Variants in CST8 observed in about 807,000 individuals in gnomAD.
CST8 encodes cystatin-8.
Under a neutral mutation model 11.8 loss-of-function variants are expected in CST8, and 20 were observed. The observed-to-expected ratio is 1.70, with a 90% CI of 1.20 to 2.47. The LOEUF (loss-of-function observed/expected upper bound fraction) is 2.47, where lower values mean the gene tolerates loss of function less well. CST8 is among the 30% of genes most tolerant of loss of function. The probability of loss-of-function intolerance (pLI) is 0.00; values close to 1 mark genes in which losing one functional copy is unlikely to be tolerated. For synonymous variants in CST8, 77 were observed against 63.1 expected, an observed-to-expected ratio of 1.22 and a Z score of -1.05; for missense variants, 196 against 167.2, an observed-to-expected ratio of 1.17 and a Z score of -0.95.
At chr20:23,496,142 T>G (rs1988041347), downstream of CST8, 1 of 516,680 alleles carries the variant, frequency 1.9e-6, no homozygotes, top group South Asian at 2.8e-5. Flanking sequence ...GGTCTACCCA[T>G]CACCAAGTAC....
intron 3 of CST8, among the ~76,000 whole-genome samples, chr20:23,495,499 T>C (rs1022260183): frequency 5.3e-5 from 8 of 152,210 alleles, no homozygotes; most frequent in Non-Finnish European, 1.2e-4. Context: ...CATACTTTAA[T>C]TAACAATTAG....
chr20:23,494,433 C>CA (rs1393352333), intron 3 of CST8, among the ~76,000 whole-genome samples: 1 of 152,264 alleles, frequency 6.6e-6, no homozygotes, highest in Non-Finnish European at 1.5e-5. Context: ...CAAGCAGATG[C>CA]ATTTGGTTTC....
chr20:23,493,615 G>C, intron 3 of CST8, among the ~76,000 whole-genome samples: 1 of 152,180 alleles, frequency 6.6e-6, no homozygotes, highest in Non-Finnish European at 1.5e-5. Context: ...GTCAGTCCAG[G>C]TTTCCAGGAA....
chr20:23,503,802 C>T, the CST8 span, among the ~76,000 whole-genome samples: 1 of 152,190 alleles, frequency 6.6e-6, no homozygotes, highest in African/African-American at 2.4e-5. Context: ...AGGTGAGAGG[C>T]GGCAGGCAAG....
chr20:23,491,550 T>C lies in CST8; in HGVS notation c.-118T>C, dbSNP rs556410635. The C allele has an allele frequency of 7.9e-6, 6 of 757,698 alleles. No individual in the cohort carries two copies. The Admixed American group carries it at 8.4e-5, about 11-fold the overall frequency. The allele number at this position is 757,698 out of a possible 1,614,324, so 46.9% of individuals were successfully genotyped here. A position where few individuals can be genotyped will look rare whatever the true frequency, so the allele number is the denominator to read the frequency against. Reference sequence around the variant, plus strand: ...CTGGGCTGACGCTAACAGGAGGCAGTGTGTGGCTCGAAGATTCTTGAACCC... The same window carrying C: ...CTGGGCTGACGCTAACAGGAGGCAGCGTGTGGCTCGAAGATTCTTGAACCC... On this transcript the variant is annotated 5_prime_UTR_variant, in exon 2 of 4. Coordinates refer to ENST00000246012, the MANE Select transcript of CST8 (RefSeq NM_005492.4).
At chr20:23,498,535 T>C (rs1988112646), downstream of CST8, among the ~76,000 whole-genome samples, 1 of 152,200 alleles carries the variant, frequency 6.6e-6, no homozygotes, top group Non-Finnish European at 1.5e-5. Flanking sequence ...GTTTCAGGAG[T>C]TGGAGACTGT....
chr20:23,500,693 G>T (rs960451726), downstream of CST8, among the ~76,000 whole-genome samples: 28 of 150,914 alleles, frequency 1.9e-4, no homozygotes, highest in African/African-American at 6.1e-4. Flanking sequence ...GAGTGTGGGG[G>T]TGAAAATGGC....
chr20:23,494,398 C>A (rs961872674), intron 3 of CST8, among the ~76,000 whole-genome samples: 2 of 152,102 alleles, frequency 1.3e-5, no homozygotes, highest in African/African-American at 4.8e-5. Context: ...AGACATTTGT[C>A]AATAATAAAA....
chr20:23,491,969 G>A (rs1220537786), intron 2 of CST8, 71 bp downstream of exon 2: 22 of 1,228,798 alleles, frequency 1.8e-5, no homozygotes, highest in Non-Finnish European at 2.5e-5. Context: ...TGAAAGAGTG[G>A]GCATATAAGA....
the CST8 span, among the ~76,000 whole-genome samples, chr20:23,504,592 TATAA>T: frequency 6.6e-6 from 1 of 152,216 alleles, no homozygotes; most frequent in Non-Finnish European, 1.5e-5. Context: ...TATTTATAGA[TATAA>T]ATGTTTACCT....
chr20:23,491,935 A>T, intron 2 of CST8, 37 bp downstream of exon 2: 12 of 1,521,050 alleles, frequency 7.9e-6, no homozygotes, highest in Non-Finnish European at 1.1e-5. Flanking sequence ...ACATTTGCAT[A>T]TGGTGGCACA....
chr20:23,493,108 A>C, intron 3 of CST8, 37 bp downstream of exon 3: 1 of 1,259,094 alleles, frequency 7.9e-7, no homozygotes, highest in Non-Finnish European at 1.2e-6. Flanking sequence ...CGGCCTAGGC[A>C]GCTCTGAACC....
chr20:23,493,521 T>C (rs1473038324), intron 3 of CST8, among the ~76,000 whole-genome samples: 2 of 152,132 alleles, frequency 1.3e-5, no homozygotes, highest in African/African-American at 4.8e-5. Flanking sequence ...TTGCACCAGG[T>C]CTATTCTGGG....
chr20:23,505,776 G>T, the CST8 span, among the ~76,000 whole-genome samples: 1 of 152,140 alleles, frequency 6.6e-6, no homozygotes, highest in Non-Finnish European at 1.5e-5. Context: ...TGCTAGCAAT[G>T]CTGAATCTCG....
intron 2 of CST8, 92 bp downstream of exon 2, chr20:23,491,990 T>C (rs1402198421): frequency 1.0e-6 from 1 of 974,144 alleles, no homozygotes; most frequent in African/African-American, 1.6e-5. Flanking sequence ...AAAATATCAC[T>C]ATGCAAAAAT....
In CST8 at chr20:23,491,153, G is replaced by C. The variant is rs1490627744; in HGVS notation, c.-333G>C. 1 of 156,680 alleles carries C rather than the reference G, an allele frequency of 6.4e-6. No homozygotes were observed. The highest frequency in any genetic ancestry group is 2.4e-5 in the African/African-American group (1 of 41,460). The allele number at this position is 156,680 out of a possible 1,614,324, so 9.7% of individuals were successfully genotyped here. On this transcript the variant is annotated 5_prime_UTR_variant, in exon 1 of 4. Coordinates refer to ENST00000246012, the MANE Select transcript of CST8 (RefSeq NM_005492.4). Reference sequence around the variant, plus strand: ...ACTGGGCCACAGGCATGAACTAAGAGTGCTGAAGACCTAGGAGAACCACTG... The same window carrying C: ...ACTGGGCCACAGGCATGAACTAAGACTGCTGAAGACCTAGGAGAACCACTG...
intron 2 of CST8, 51 bp from the exon 3 acceptor site, chr20:23,492,907 T>TTA (rs1987931645): frequency 9.0e-7 from 1 of 1,117,064 alleles, no homozygotes; most frequent in Non-Finnish European, 1.4e-6. Flanking sequence ...TGTCAAAACT[T>TTA]TAAAAAAGTA....
At chr20:23,498,542 C>T (rs973784187), downstream of CST8, among the ~76,000 whole-genome samples, 3 of 152,228 alleles carry the variant, frequency 2.0e-5, no homozygotes, top group African/African-American at 4.8e-5. Flanking sequence ...GAGTTGGAGA[C>T]TGTCGCCCTG....
the CST8 span, among the ~76,000 whole-genome samples, chr20:23,505,063 C>T: frequency 6.6e-6 from 1 of 151,540 alleles, no homozygotes; most frequent in East Asian, 1.9e-4. Context: ...TTGTTACAGG[C>T]AATCTCCATG....
Sources: gnomAD v4.1 joint callset for allele counts (sites outside exome capture counted in the v4.1 genomes callset) on GRCh38, gnomAD v4.1.1 for gene constraint, MANE v1.5 for transcripts, NCBI Gene and HGNC (gene_info 2026-07-23, HGNC 2026-07-21) for gene names.